Variants in DPYD observed in about 807,000 individuals in gnomAD.
DPYD encodes the protein dihydropyrimidine dehydrogenase [NADP(+)].
Under a neutral mutation model 116.2 loss-of-function variants are expected in DPYD, and 109 were observed. That is an observed-to-expected ratio of 0.94 (90% CI 0.80 to 1.10). The LOEUF is 1.10. Ranked by LOEUF, DPYD falls within the 50% of genes least tolerant of loss-of-function variation. The pLI, the probability that DPYD is intolerant of heterozygous loss-of-function variation, is 0.00. For missense variants in DPYD, 1,302 were observed against 1,254.5 expected (o/e 1.04, Z -0.57); for synonymous variants, 440 against 432.0 (o/e 1.02, Z -0.23).
intron 13 of DPYD, among the ~76,000 whole-genome samples, chr1:97,492,970 A>T (rs138857337): frequency 3.3e-5 from 5 of 152,272 alleles, no homozygotes; most frequent in Non-Finnish European, 7.4e-5. Flanking sequence ...ATGATACCGA[A>T]GGGGAAAGCA....
intron 20 of DPYD, among the ~76,000 whole-genome samples, chr1:97,172,096 G>C (rs1014935407): frequency 6.6e-6 from 1 of 152,278 alleles, no homozygotes. Context: ...AAATCCAGGT[G>C]AAAGTGGGTT....
At chr1:97,159,877 C>T (rs952923861) in intron 20 of DPYD, among the ~76,000 whole-genome samples, 4 of 151,782 alleles carry the variant, frequency 2.6e-5, no homozygotes, top group Admixed American at 6.6e-5. Flanking sequence ...GTTACTATGC[C>T]GCTAAATAAA....
At chr1:97,118,576 T>A (rs1652166628) in intron 20 of DPYD, among the ~76,000 whole-genome samples, 1 of 152,310 alleles carries the variant, frequency 6.6e-6, no homozygotes, top group South Asian at 2.1e-4. Context: ...GCTGTTTAAG[T>A]GCCTGGAAAC....
intron 10 of DPYD, chr1:97,586,383 A>G (rs1654098261): frequency 1.3e-5 from 2 of 148,778 alleles, no homozygotes; most frequent in African/African-American, 4.9e-5. Flanking sequence ...TTGTTATTAA[A>G]TAAGGCCTGA....
chr1:97,190,832 A>T lies in DPYD; in HGVS notation c.2622+2237T>A, dbSNP rs546132268. Among the ~76,000 whole-genome samples, 97 of 152,250 alleles carry T rather than the reference A, an allele frequency of 6.4e-4. 1 individual carries two copies. The highest frequency in any genetic ancestry group is 1.5e-3 in the South Asian group (7 of 4,822). The stretch of plus-strand genomic sequence containing the variant: ...TGTAATGGGTTTCTTCTAAATATCT[A>T]TTCTGGTTTATTCTAGCCTGACCTA... On this transcript the variant is annotated intron_variant, in intron 20 of 22. Coordinates refer to ENST00000370192, the MANE Select transcript of DPYD (RefSeq NM_000110.4).
At chr1:97,833,233 G>T (rs1033820510) in intron 2 of DPYD, among the ~76,000 whole-genome samples, 1 of 151,962 alleles carries the variant, frequency 6.6e-6, no homozygotes, top group African/African-American at 2.4e-5. Context: ...TTAAGTCTCA[G>T]AATTACTAAG....
At chr1:97,903,012 C>T (rs972910148) in intron 1 of DPYD, among the ~76,000 whole-genome samples, 59 of 151,790 alleles carry the variant, frequency 3.9e-4, no homozygotes, top group Admixed American at 2.6e-4. Flanking sequence ...AATATTGCAT[C>T]GTAATTAAGG....
rs1662887091 is a variant in DPYD, at chr1:97,720,929, A to T, written c.483+581T>A. 3 of 1,608,860 alleles carry T rather than the reference A, an allele frequency of 1.9e-6. No homozygotes were observed. In the African/African-American group the frequency reaches 4.0e-5, roughly 22 times the overall value. ...AAAGAGAAAGCCAGGATCAAAGTCTATGGGATAAACAGAAAAAAAAGTGCT... is the reference window on the plus strand; with the variant it reads ...AAAGAGAAAGCCAGGATCAAAGTCTTTGGGATAAACAGAAAAAAAAGTGCT... On this transcript the variant is annotated intron_variant, in intron 5 of 22. Coordinates refer to ENST00000370192, the MANE Select transcript of DPYD (RefSeq NM_000110.4).
At chr1:97,739,224 T>C (rs1664128947) in intron 4 of DPYD, among the ~76,000 whole-genome samples, 1 of 152,128 alleles carries the variant, frequency 6.6e-6, no homozygotes, top group Non-Finnish European at 1.5e-5. Context: ...ATTGAATGAA[T>C]AGGGAAACTA....
At chr1:97,826,917 C>A (rs1669269121) in intron 3 of DPYD, among the ~76,000 whole-genome samples, 1 of 151,892 alleles carries the variant, frequency 6.6e-6, no homozygotes. Context: ...ATATATTATT[C>A]CTCTTTTTGT....
At chr1:97,612,351 A>G (rs1267789260) in intron 8 of DPYD, among the ~76,000 whole-genome samples, 1 of 152,034 alleles carries the variant, frequency 6.6e-6, no homozygotes, top group African/African-American at 2.4e-5. Flanking sequence ...GTGGCTTTTA[A>G]TCTTTTCACA....
At chr1:97,108,288 C>G (rs1291099530) in intron 20 of DPYD, among the ~76,000 whole-genome samples, 3 of 152,052 alleles carry the variant, frequency 2.0e-5, no homozygotes, top group African/African-American at 7.2e-5. Flanking sequence ...CCTGATGACT[C>G]CCTCTGTGTC....
intron 14 of DPYD, among the ~76,000 whole-genome samples, chr1:97,422,578 CT>C (rs2101702687): frequency 6.6e-6 from 1 of 152,242 alleles, no homozygotes; most frequent in Admixed American, 6.5e-5. Context: ...CCACGGGCTA[CT>C]GGGTCACTAG....
intron 5 of DPYD, among the ~76,000 whole-genome samples, chr1:97,704,916 T>C (rs902385312): frequency 3.9e-5 from 6 of 152,054 alleles, no homozygotes; most frequent in African/African-American, 1.2e-4. Context: ...ATGAAAAGTA[T>C]ACTTAATATG....
intron 3 of DPYD, among the ~76,000 whole-genome samples, chr1:97,769,761 C>T (rs1354425224): frequency 2.0e-5 from 3 of 152,000 alleles, no homozygotes; most frequent in Non-Finnish European, 4.4e-5. Flanking sequence ...AAATCACTGT[C>T]CAAAGAAATA....
chr1:97,547,025 T>C (rs1019007595), intron 12 of DPYD: 1 of 1,424,546 alleles, frequency 7.0e-7, no homozygotes, highest in African/African-American at 1.4e-5. Context: ...GTTTTGGAAG[T>C]TTATCATAAA....
chr1:97,335,843 T>C (rs541906705), intron 16 of DPYD, among the ~76,000 whole-genome samples: 5 of 152,184 alleles, frequency 3.3e-5, no homozygotes, highest in Non-Finnish European at 5.9e-5. Context: ...CAATTTACTC[T>C]TTCATATTTT....
intron 20 of DPYD, among the ~76,000 whole-genome samples, chr1:97,127,883 C>T (rs538322383): frequency 6.6e-6 from 1 of 152,180 alleles, no homozygotes; most frequent in East Asian, 1.9e-4. Flanking sequence ...TAAACAGAGG[C>T]CATTATCTTC....
intron 19 of DPYD, among the ~76,000 whole-genome samples, chr1:97,206,189 G>A (rs1047772689): frequency 6.6e-6 from 1 of 151,882 alleles, no homozygotes; most frequent in Non-Finnish European, 1.5e-5. Flanking sequence ...AAGGGGACAG[G>A]GGAGGCAAGG....
Sources: gnomAD v4.1 joint callset for allele counts (sites outside exome capture counted in the v4.1 genomes callset) on GRCh38, gnomAD v4.1.1 for gene constraint, MANE v1.5 for transcripts, NCBI Gene and HGNC (gene_info 2026-07-23, HGNC 2026-07-21) for gene names.